Variants in ROS1 observed in about 807,000 individuals in gnomAD.
The protein encoded by ROS1 is proto-oncogene tyrosine-protein kinase ROS.
In ROS1, 263 loss-of-function variants were observed where a neutral mutation model predicts 273.5. The ratio of observed to expected loss-of-function variants is 0.96; its 90% CI spans 0.87 to 1.06. The LOEUF (loss-of-function observed/expected upper bound fraction) is 1.06, where lower values mean the gene tolerates loss of function less well. ROS1 is among the 50% of genes least tolerant of loss of function. The pLI, the probability that ROS1 is intolerant of heterozygous loss-of-function variation, is 0.00. For missense variants in ROS1, 2,833 were observed against 2,751.1 expected (o/e 1.03, Z -0.67); for synonymous variants, 1,008 against 954.1 (o/e 1.06, Z -1.04).
chr6:117,308,962 T>C, intron 41 of ROS1, 34 bp from the exon 42 acceptor site: 1 of 1,599,580 alleles, frequency 6.3e-7, no homozygotes, highest in Non-Finnish European at 8.5e-7. Flanking sequence ...TTAATTATAC[T>C]TATTACAAAC....
intron 18 of ROS1, among the ~76,000 whole-genome samples, chr6:117,369,269 C>T (rs1251223823): frequency 6.6e-6 from 1 of 152,134 alleles, no homozygotes; most frequent in Non-Finnish European, 1.5e-5. Context: ...GAAAACATTA[C>T]TAAACTTGAA....
intron 18 of ROS1, 37 bp from the exon 19 acceptor site, chr6:117,366,327 G>A (rs936156302): frequency 2.0e-6 from 3 of 1,528,054 alleles, no homozygotes; most frequent in Admixed American, 3.3e-5. Context: ...TGTGTTTCTG[G>A]AGTGGTGGAA....
At chr6:117,381,001 C>T (rs1370400058) in intron 17 of ROS1, among the ~76,000 whole-genome samples, 1 of 151,966 alleles carries the variant, frequency 6.6e-6, no homozygotes, top group African/African-American at 2.4e-5. Context: ...TAAATCTGTA[C>T]ATGACATCAA....
chr6:117,298,479 T>C (rs1426807647), intron 43 of ROS1, among the ~76,000 whole-genome samples: 1 of 152,234 alleles, frequency 6.6e-6, no homozygotes, highest in Admixed American at 6.5e-5. Flanking sequence ...GAACAAAAGA[T>C]TTAATTTTAT....
intron 35 of ROS1, among the ~76,000 whole-genome samples, chr6:117,323,390 A>G (rs1776416336): frequency 6.6e-6 from 1 of 152,062 alleles, no homozygotes; most frequent in African/African-American, 2.4e-5. Context: ...TTTTCCATCA[A>G]CTTTCCCTTG....
chr6:117,344,008 A>G (rs1778162164), intron 28 of ROS1, 52 bp downstream of exon 28: 1 of 1,473,288 alleles, frequency 6.8e-7, no homozygotes, highest in Non-Finnish European at 9.5e-7. Flanking sequence ...ATAATTTTAT[A>G]TCAAAAAAGA....
intron 24 of ROS1, 41 bp downstream of exon 24, chr6:117,359,768 C>A: frequency 6.5e-7 from 1 of 1,531,052 alleles, no homozygotes; most frequent in Non-Finnish European, 9.0e-7. Flanking sequence ...TATGCAAATA[C>A]TTCACTTCCT....
rs1324800207 is a variant in ROS1 at position 117,317,000 on chromosome 6, T to C, written c.6117+143A>G. The stretch of plus-strand genomic sequence containing the variant: ...GCCCAGGGTTCTGATTGTCAAAAGC[T>C]AATGTGAAGGAAACAGAATAATTCT... On this transcript the variant is annotated intron_variant, in intron 39 of 43. Coordinates refer to ENST00000368507, the MANE Select transcript of ROS1 (RefSeq NM_001378902.1). 5 of 876,988 alleles carry C rather than the reference T, an allele frequency of 5.7e-6. No homozygotes were observed. In the African/African-American group the frequency reaches 8.6e-5, roughly 15 times the overall value. 54.3% of individuals were successfully genotyped at this position (876,988 alleles called of 1,614,324 possible).
intron 38 of ROS1, 60 bp from the exon 39 acceptor site, chr6:117,317,332 G>A (rs1775992394): frequency 1.3e-6 from 2 of 1,552,800 alleles, no homozygotes; most frequent in African/African-American, 1.4e-5. Context: ...CTAGCCGAGG[G>A]TCTTTATGGA....
At chr6:117,400,746 G>A (rs1773867721) in intron 7 of ROS1, among the ~76,000 whole-genome samples, 1 of 151,958 alleles carries the variant, frequency 6.6e-6, no homozygotes, top group East Asian at 1.9e-4. Context: ...AAATATTAAG[G>A]GCCCTTGGGC....
At chr6:117,343,089 T>G (rs1001080049) in intron 28 of ROS1, among the ~76,000 whole-genome samples, 3 of 151,702 alleles carry the variant, frequency 2.0e-5, no homozygotes, top group East Asian at 3.9e-4. Context: ...GTGTTTTGTT[T>G]TTTTTTTTTA....
intron 18 of ROS1, among the ~76,000 whole-genome samples, chr6:117,367,396 T>A (rs770255478): frequency 2.1e-4 from 32 of 152,238 alleles, no homozygotes; most frequent in Non-Finnish European, 4.3e-4. Context: ...CTCCAGTACC[T>A]AGGCACACAG....
chr6:117,329,241 C>T (rs1482043940), intron 33 of ROS1, 88 bp downstream of exon 33: 39 of 685,744 alleles, frequency 5.7e-5, no homozygotes, highest in Non-Finnish European at 9.9e-5. Context: ...TATATAAATA[C>T]ATTTGCATAA....
At chr6:117,412,837 C>T (rs1276265220) in intron 4 of ROS1, among the ~76,000 whole-genome samples, 7 of 152,174 alleles carry the variant, frequency 4.6e-5, no homozygotes, top group Admixed American at 3.9e-4. Context: ...TCCTGGGCTG[C>T]TTCGATGCTT....
chr6:117,363,855 T>A (rs1484219748), intron 21 of ROS1, among the ~76,000 whole-genome samples: 1 of 152,184 alleles, frequency 6.6e-6, no homozygotes, highest in Non-Finnish European at 1.5e-5. Context: ...ATGAACTCCA[T>A]CAGAGAAAGC....
In ROS1 at chr6:117,362,647, A is replaced by G. The variant is rs375027302; in HGVS notation, c.3322T>C (p.Phe1108Leu). 6 of 1,613,552 alleles carry G rather than the reference A, an allele frequency of 3.7e-6. No individual in the cohort carries two copies. In the African/African-American group the frequency reaches 8.0e-5, roughly 22 times the overall value. Residue 1108 changes from phenylalanine to leucine, a missense_variant, in exon 22 of 44, where the codon TTT (phenylalanine) becomes CTT (leucine). Coordinates refer to ENST00000368507, the MANE Select transcript of ROS1 (RefSeq NM_001378902.1). ...AVNVTPSVMS[F>L]QLEGMSPRCF... Reference sequence around the variant, plus strand: ...CTGGGACTCATGCCTTCAAGTTGAAAAGACATCACTGAGGGAGTGACATTG... The same window carrying G: ...CTGGGACTCATGCCTTCAAGTTGAAGAGACATCACTGAGGGAGTGACATTG...
chr6:117,383,251 G>C, intron 17 of ROS1, 66 bp downstream of exon 17: 1 of 1,244,194 alleles, frequency 8.0e-7, no homozygotes, highest in East Asian at 2.3e-5. Flanking sequence ...ATAAGCGAGA[G>C]AAAGTATTAT....
intron 43 of ROS1, among the ~76,000 whole-genome samples, chr6:117,290,763 C>A (rs1719771908): frequency 6.6e-6 from 1 of 152,150 alleles, no homozygotes; most frequent in Admixed American, 6.5e-5. Flanking sequence ...CTTTCCACCC[C>A]ATTAGGTCAG....
intron 7 of ROS1, among the ~76,000 whole-genome samples, chr6:117,398,227 T>C (rs1751901288): frequency 1.3e-5 from 2 of 152,044 alleles, no homozygotes; most frequent in Non-Finnish European, 2.9e-5. Context: ...GCAAGTTAAA[T>C]GTCACCTACA....
Sources: allele counts gnomAD v4.1 joint callset (sites outside exome capture counted in the v4.1 genomes callset), GRCh38; gene constraint gnomAD v4.1.1; transcripts MANE v1.5; gene names NCBI Gene and HGNC (gene_info 2026-07-23, HGNC 2026-07-21).